XRRA1: variants seen among roughly 807,000 people sequenced by gnomAD.
The protein encoded by XRRA1 is X-ray radiation resistance associated 1.
XRRA1 carries 69 observed loss-of-function variants against 80.2 expected under a neutral mutation model. The ratio of observed to expected loss-of-function variants is 0.86; its 90% confidence interval spans 0.71 to 1.05. The LOEUF is 1.05. XRRA1 is among the 50% of genes least tolerant of loss of function. The pLI, the probability that XRRA1 is intolerant of heterozygous loss-of-function variation, is 0.00. For synonymous variants in XRRA1, 348 were observed against 389.9 expected, an observed-to-expected ratio of 0.89 and a Z score of 1.27; for missense variants, 967 against 976.4, an observed-to-expected ratio of 0.99 and a Z score of 0.13.
intron 10 of XRRA1, among the ~76,000 whole-genome samples, chr11:74,868,437 T>C (rs982303439): frequency 6.6e-6 from 1 of 152,076 alleles, no homozygotes; most frequent in African/African-American, 2.4e-5. Flanking sequence ...CTTAAGTAAA[T>C]AGACCATTAA....
rs1160284250 is a variant in XRRA1, at chr11:74,841,960, G to A, written c.*1240C>T. ...AGAGCACTTAAAAGTCCTAGTGAGA[G>A]AATAGATACTATGCAAGGGAAAAAA... On this transcript the variant is annotated 3_prime_UTR_variant, in exon 19 of 19. Transcript: ENST00000684022. The A allele has an allele frequency of 6.6e-6, 1 of 151,828 alleles. No individual in the cohort carries two copies. The highest frequency in any genetic ancestry group is 1.5e-5 in the Non-Finnish European group (1 of 67,992). The allele number at this position is 151,828 out of a possible 1,614,324, so 9.4% of individuals were successfully genotyped here.
rs777666907 is a variant in XRRA1 at position 74,843,359 on chromosome 11, G to C, written c.2244C>G (p.Tyr748Ter). The change falls in exon 19 of 19, where the codon TAC (tyrosine) becomes TAG (stop). Residue 748 changes from tyrosine (Y) to a stop codon, truncating the protein, a stop_gained. Coordinates refer to ENST00000684022, the MANE Select transcript of XRRA1 (RefSeq NM_001378157.1). LOFTEE classifies it low-confidence loss of function (END_TRUNC). ...GCAGAGAGCCACTCACCAGCTGCCG[G>C]TAACGTGCCTGGAACTCCTTCAACA... ...KRLLKEFQAR[Y>*]RQLVSGSLRT... 1 of 1,611,492 alleles carries C rather than the reference G, an allele frequency of 6.2e-7. No individual in the cohort carries two copies. Among genetic ancestry groups the C allele is most frequent in the Admixed American group, 1.7e-5 (1 of 59,680 alleles).
At chr11:74,945,705 T>C (rs191688976) in intron 1 of XRRA1, among the ~76,000 whole-genome samples, 75 of 152,298 alleles carry the variant, frequency 4.9e-4, no homozygotes, top group African/African-American at 1.7e-3. Flanking sequence ...CCTGGTTAGC[T>C]TTAGTTACCT....
chr11:74,844,614 C>G (rs1431109857), intron 16 of XRRA1, among the ~76,000 whole-genome samples: 1 of 152,150 alleles, frequency 6.6e-6, no homozygotes, highest in African/African-American at 2.4e-5. Context: ...CCAGAACAGC[C>G]CAGCTGAATG....
chr11:74,843,285 C>G lies in XRRA1; in HGVS notation c.2318G>C (p.Ser773Thr), dbSNP rs1359215712. Residue 773 changes from serine (S) to threonine (T), a missense_variant, in exon 19 of 19, where the codon AGT (serine) becomes ACT (threonine). Transcript: ENST00000684022. Reference sequence around the variant, plus strand: ...GTGGCCGAACTTGGGCTGGCTCTCACTCAGCGCTGGGCAGGCCATGGGGAG... The same window carrying G: ...GTGGCCGAACTTGGGCTGGCTCTCAGTCAGCGCTGGGCAGGCCATGGGGAG... ...TPLPMACPAL[S>T]ESQPKFGHFL... The G allele has an allele frequency of 3.8e-6, 6 of 1,591,216 alleles. No individual in the cohort carries two copies. The highest frequency in any genetic ancestry group is 5.1e-6 in the Non-Finnish European group (6 of 1,169,232).
At chr11:74,878,980 GT>G (rs1209488278) in intron 10 of XRRA1, among the ~76,000 whole-genome samples, 1 of 150,338 alleles carries the variant, frequency 6.7e-6, no homozygotes, top group Non-Finnish European at 1.5e-5. Context: ...CTTTAAAGTA[GT>G]TTTTTCCAAT....
In XRRA1 at chr11:74,907,137, G is replaced by A; in HGVS notation, c.785+8C>T. The A allele has an allele frequency of 6.2e-7, 1 of 1,613,358 alleles. No individual in the cohort carries two copies. The highest frequency in any genetic ancestry group is 2.2e-5 in the East Asian group (1 of 44,888). On this transcript the variant is annotated splice_region_variant and intron_variant, in intron 9 of 18. Coordinates refer to ENST00000684022, the MANE Select transcript of XRRA1 (RefSeq NM_001378157.1). ...GGAGGCCCAGCAGAGAAAGGCTTAT[G>A]GCTTTACCTCCTGAGCCCAGCCAGG...
chr11:74,883,220 G>GT (rs888156423), intron 10 of XRRA1, among the ~76,000 whole-genome samples: 11 of 129,566 alleles, frequency 8.5e-5, no homozygotes, highest in Non-Finnish European at 1.4e-4. Context: ...GTGGTGTGCC[G>GT]TTTTTTAAGC....
chr11:74,897,336 TA>T lies in XRRA1; in HGVS notation c.1003+8902del, dbSNP rs2137666171. Among the ~76,000 whole-genome samples, 3 of 151,466 alleles carry T rather than the reference TA, an allele frequency of 2.0e-5. No homozygotes were observed. The East Asian group carries it at 5.9e-4, about 30-fold the overall frequency. ...CCAGAGAAGACAAAAGAAAAAAGAA[TA>T]AAAAAACAGTGAAGTATGCCTACCA... On this transcript the variant is annotated intron_variant, in intron 10 of 18. Transcript: ENST00000684022.
chr11:74,895,543 T>TA (rs1254844298), intron 10 of XRRA1, among the ~76,000 whole-genome samples: 1 of 152,178 alleles, frequency 6.6e-6, no homozygotes, highest in Non-Finnish European at 1.5e-5. Flanking sequence ...AGGCTGGGCT[T>TA]AGAGTCAGTG....
Position 74,948,985 on chromosome 11 carries a change from G to C in XRRA1, c.-130C>G, listed in dbSNP as rs910772129. ...TCTGCGGAGGCGACGTCCCAGTCAG[G>C]AGGGATGCGCGCCTGCGAGCCCCCC... On this transcript the variant is annotated 5_prime_UTR_variant, in exon 1 of 19. Coordinates refer to ENST00000684022, the MANE Select transcript of XRRA1 (RefSeq NM_001378157.1). The C allele has an allele frequency of 6.7e-6, 2 of 298,818 alleles. No homozygotes were observed. The highest frequency in any genetic ancestry group is 4.5e-5 in the African/African-American group (2 of 44,440). The allele number at this position is 298,818 out of a possible 1,614,324, so 18.5% of individuals were successfully genotyped here. A position where few individuals can be genotyped will look rare whatever the true frequency, so the allele number is the denominator to read the frequency against.
chr11:74,909,108 A>T (rs1405670178), intron 8 of XRRA1, among the ~76,000 whole-genome samples: 1 of 152,156 alleles, frequency 6.6e-6, no homozygotes, highest in Non-Finnish European at 1.5e-5. Flanking sequence ...CCTAACACTG[A>T]CAGACTTCTA....
intron 13 of XRRA1, 55 bp downstream of exon 13, chr11:74,851,934 C>T (rs1433887278): frequency 6.8e-6 from 10 of 1,480,890 alleles, no homozygotes; most frequent in African/African-American, 2.8e-5. Context: ...GATGAGGGTG[C>T]CACACTGCTC....
intron 11 of XRRA1, among the ~76,000 whole-genome samples, chr11:74,862,376 G>C (rs1184167044): frequency 1.3e-5 from 2 of 152,228 alleles, no homozygotes; most frequent in South Asian, 2.1e-4. Flanking sequence ...TCTGTGGGGA[G>C]GTTGTATACT....
chr11:74,877,265 C>G (rs1383643218), intron 10 of XRRA1, among the ~76,000 whole-genome samples: 1 of 152,088 alleles, frequency 6.6e-6, no homozygotes, highest in Non-Finnish European at 1.5e-5. Flanking sequence ...CAATTATCTT[C>G]TAATGGCAAG....
At chr11:74,929,460 A>C (rs530021571) in intron 6 of XRRA1, among the ~76,000 whole-genome samples, 1 of 136,636 alleles carries the variant, frequency 7.3e-6, no homozygotes, top group African/African-American at 2.5e-5. Context: ...CTCTATTTAA[A>C]ACCCTTCCAA....
At chr11:74,851,784 G>A (rs777469104) in intron 13 of XRRA1, among the ~76,000 whole-genome samples, 15 of 152,192 alleles carry the variant, frequency 9.9e-5, no homozygotes, top group African/African-American at 3.1e-4. Flanking sequence ...ACCACTGTCC[G>A]TGGGGACAAT....
Position 74,936,865 on chromosome 11 carries a change from A to C in XRRA1, c.279+19T>G. ...CCCTAGCTGATGTGCTGGCCACTCC[A>C]GGATGCATTTACTCTCACCAGAAAA... is the stretch of plus-strand genomic sequence containing the variant. On this transcript the variant is annotated intron_variant, in intron 4 of 18. Coordinates refer to ENST00000684022, the MANE Select transcript of XRRA1 (RefSeq NM_001378157.1). 2 of 1,609,586 alleles carry C rather than the reference A, an allele frequency of 1.2e-6. No individual in the cohort carries two copies. Among genetic ancestry groups the C allele is most frequent in the Non-Finnish European group, 1.7e-6 (2 of 1,177,884 alleles).
chr11:74,938,834 C>G (rs1175143318), intron 3 of XRRA1, among the ~76,000 whole-genome samples: 1 of 152,054 alleles, frequency 6.6e-6, no homozygotes, highest in East Asian at 1.9e-4. Context: ...TGCCATCCCC[C>G]ACAATCACAC....
Sources: gnomAD v4.1 joint callset for allele counts (sites outside exome capture counted in the v4.1 genomes callset) on GRCh38, gnomAD v4.1.1 for gene constraint, MANE v1.5 for transcripts, NCBI Gene and HGNC (gene_info 2026-07-23, HGNC 2026-07-21) for gene names.